The following ARHGAP6 variants were observed in gnomAD, a reference collection of about 807,000 sequenced individuals.
The protein encoded by ARHGAP6 is Rho GTPase activating protein 6, also known as rho GTPase-activating protein 6.
In ARHGAP6, 16 loss-of-function variants were observed where a neutral mutation model predicts 55.7. That is an observed-to-expected ratio of 0.29 (90% confidence interval 0.19 to 0.44). The LOEUF (loss-of-function observed/expected upper bound fraction) is 0.44. Among genes scored for constraint, ARHGAP6 ranks in the 20% least tolerant of loss-of-function variants. ARHGAP6 has a pLI of 1.00. For synonymous variants in ARHGAP6, 382 were observed against 360.9 expected (o/e 1.06, Z -0.66); for missense variants, 698 against 808.9 (o/e 0.86, Z 1.66).
At chrX:11,521,153 T>A (rs1353282505) in intron 1 of ARHGAP6, among the ~76,000 whole-genome samples, 1 of 112,332 alleles carries the variant, frequency 8.9e-6, no homozygotes, top group Non-Finnish European at 1.9e-5. Context: ...GCAGAAGTTC[T>A]TTAGTTTAAT....
intron 1 of ARHGAP6, among the ~76,000 whole-genome samples, chrX:11,432,716 G>T (rs192627946): frequency 5.9e-4 from 66 of 111,476 alleles, no homozygotes; most frequent in Non-Finnish European, 9.2e-4. Flanking sequence ...AGCAGCTTAA[G>T]GCCCTCCTTG....
chrX:11,438,578 T>C (rs1033421639), intron 1 of ARHGAP6, among the ~76,000 whole-genome samples: 1 of 112,880 alleles, frequency 8.9e-6, no homozygotes, highest in African/African-American at 3.2e-5. Context: ...GGGATCTTTG[T>C]CCTCAAAATC....
chrX:11,611,768 C>T, intron 1 of ARHGAP6, among the ~76,000 whole-genome samples: 1 of 111,528 alleles, frequency 9.0e-6, no homozygotes. Context: ...CTACTCACTC[C>T]ATCAAGTTTT....
At chrX:11,439,749 G>A (rs938397959) in intron 1 of ARHGAP6, among the ~76,000 whole-genome samples, 2 of 112,140 alleles carry the variant, frequency 1.8e-5, no homozygotes, top group African/African-American at 6.5e-5. Context: ...ATGTATCTGA[G>A]CTTTTAAAGA....
intron 1 of ARHGAP6, among the ~76,000 whole-genome samples, chrX:11,362,797 C>A (rs1351371839): frequency 5.4e-5 from 6 of 111,267 alleles, no homozygotes; most frequent in Non-Finnish European, 5.7e-5. Flanking sequence ...TTTCTCCTGC[C>A]TCCTTCGGCA....
intron 1 of ARHGAP6, among the ~76,000 whole-genome samples, chrX:11,579,779 G>A (rs188908853): frequency 8.7e-4 from 97 of 111,823 alleles, no homozygotes; most frequent in Admixed American, 4.4e-3. Flanking sequence ...TTCAAATTCC[G>A]AAGGAGATGA....
At chrX:11,614,754 G>A (rs1327737437) in intron 1 of ARHGAP6, among the ~76,000 whole-genome samples, 6 of 111,801 alleles carry the variant, frequency 5.4e-5, no homozygotes, top group Middle Eastern at 9.3e-3. Context: ...AGGCAATATC[G>A]CCACCAAGGG....
chrX:11,609,058 G>A (rs958022159), intron 1 of ARHGAP6, among the ~76,000 whole-genome samples: 2 of 111,639 alleles, frequency 1.8e-5, no homozygotes, highest in Non-Finnish European at 3.8e-5. Context: ...AGAATGCCCC[G>A]CGACTAGATA....
At chrX:11,236,186 ACAAT>A (rs2047197812) in intron 2 of ARHGAP6, among the ~76,000 whole-genome samples, 1 of 112,024 alleles carries the variant, frequency 8.9e-6, no homozygotes, top group Non-Finnish European at 1.9e-5. Context: ...CAGGAAACTT[ACAAT>A]CATTGTGGAA....
intron 1 of ARHGAP6, among the ~76,000 whole-genome samples, chrX:11,649,657 C>T (rs2052564853): frequency 8.9e-6 from 1 of 111,984 alleles, no homozygotes; most frequent in African/African-American, 3.2e-5. Flanking sequence ...AGAGCTTTTG[C>T]CACTCTTATC....
intron 1 of ARHGAP6, chrX:11,318,745 T>C (rs1321852150): frequency 7.0e-5 from 8 of 113,565 alleles, no homozygotes; most frequent in African/African-American, 2.6e-4. Context: ...AATGAAGAAA[T>C]TCTGAAAAAT....
intron 2 of ARHGAP6, among the ~76,000 whole-genome samples, chrX:11,239,322 T>C (rs1312108315): frequency 9.0e-6 from 1 of 111,689 alleles, no homozygotes; most frequent in African/African-American, 3.3e-5. Context: ...AACTCACTTA[T>C]CAAGCATGTG....
At chrX:11,290,386 A>G (rs772432600) in intron 1 of ARHGAP6, 1 of 373,436 alleles carries the variant, frequency 2.7e-6, no homozygotes, top group East Asian at 7.7e-5. Flanking sequence ...ACAATACCTG[A>G]TTTCTAAGGG....
intron 5 of ARHGAP6, among the ~76,000 whole-genome samples, chrX:11,185,164 G>A (rs186939652): frequency 5.4e-5 from 6 of 110,610 alleles, no homozygotes; most frequent in Admixed American, 9.6e-5. Flanking sequence ...GTGTGTGTGT[G>A]TGTGTGTGTG....
chrX:11,461,892 C>T (rs781675500), intron 1 of ARHGAP6, among the ~76,000 whole-genome samples: 1 of 111,478 alleles, frequency 9.0e-6, no homozygotes, highest in Non-Finnish European at 1.9e-5. Context: ...CAGATCTGAC[C>T]AGAGACTGGC....
intron 2 of ARHGAP6, among the ~76,000 whole-genome samples, chrX:11,230,383 A>G (rs940638169): frequency 3.6e-5 from 4 of 110,786 alleles, no homozygotes; most frequent in African/African-American, 1.3e-4. Context: ...TTTTTAGTAG[A>G]GACGGGGTTT....
intron 1 of ARHGAP6, among the ~76,000 whole-genome samples, chrX:11,566,775 C>T (rs1449186553): frequency 1.8e-5 from 2 of 111,686 alleles, no homozygotes; most frequent in Admixed American, 9.5e-5. Flanking sequence ...TAAGTTAAGG[C>T]CATGAGAGCA....
At chrX:11,617,772 G>A (rs1441489340) in intron 1 of ARHGAP6, among the ~76,000 whole-genome samples, 2 of 111,431 alleles carry the variant, frequency 1.8e-5, no homozygotes, top group African/African-American at 6.5e-5. Context: ...GGCTGGAAGG[G>A]GAGTTTTATA....
intron 1 of ARHGAP6, among the ~76,000 whole-genome samples, chrX:11,607,208 C>A (rs754398355): frequency 8.9e-6 from 1 of 112,208 alleles, no homozygotes; most frequent in African/African-American, 3.2e-5. Context: ...TGACAACTTA[C>A]AATTCTCACC....
Sources: gnomAD v4.1 joint callset for allele counts (sites outside exome capture counted in the v4.1 genomes callset) on GRCh38, gnomAD v4.1.1 for gene constraint, MANE v1.5 for transcripts, NCBI Gene and HGNC (gene_info 2026-07-23, HGNC 2026-07-21) for gene names.